PIWIL4: variants seen among roughly 807,000 people sequenced by gnomAD.
PIWIL4 encodes piwi like RNA-mediated gene silencing 4.
A neutral mutation model predicts 100.9 loss-of-function variants in PIWIL4; 50 were observed. The observed-to-expected ratio is 0.50, with a 90% CI of 0.39 to 0.63. The LOEUF (loss-of-function observed/expected upper bound fraction) is 0.63, where lower values mean the gene tolerates loss of function less well. Ranked by LOEUF, PIWIL4 falls within the 20% of genes least tolerant of loss-of-function variation. The probability of loss-of-function intolerance (pLI) is 0.00; values close to 1 mark genes in which losing one functional copy is unlikely to be tolerated. For synonymous variants in PIWIL4, 342 were observed against 367.5 expected, an observed-to-expected ratio of 0.93 and a Z score of 0.79; for missense variants, 887 against 1,043.3, an observed-to-expected ratio of 0.85 and a Z score of 2.06.
In PIWIL4 at chr11:94,567,532, C is replaced by G. The variant is rs1948091037; in HGVS notation, c.14C>G (p.Ala5Gly). MSGR[A>G]RVKARGIARS... is the part of the protein sequence containing the mutation. The stretch of plus-strand genomic sequence containing the variant: ...CTCACCGGGAACATGAGTGGAAGAG[C>G]CCGAGTGAAGGCCAGAGGCATCGCC... The change falls in exon 1 of 20, where the codon GCC (alanine) becomes GGC (glycine). Residue 5 changes from alanine (A) to glycine (G), a missense_variant. Coordinates refer to ENST00000299001, the MANE Select transcript of PIWIL4 (RefSeq NM_152431.3). 1 of 1,600,124 alleles carries G rather than the reference C, an allele frequency of 6.2e-7. No homozygotes were observed. The highest frequency in any genetic ancestry group is 1.3e-5 in the African/African-American group (1 of 74,860).
chr11:94,597,261 C>G (rs1304584851), intron 10 of PIWIL4, among the ~76,000 whole-genome samples: 2 of 152,184 alleles, frequency 1.3e-5, no homozygotes, highest in African/African-American at 4.8e-5. Context: ...TTCTTCGACT[C>G]TCAACCCAAG....
chr11:94,583,032 G>GTA (rs142770942), intron 4 of PIWIL4, among the ~76,000 whole-genome samples: 23 of 138,042 alleles, frequency 1.7e-4, no homozygotes, highest in Non-Finnish European at 1.9e-4. Flanking sequence ...TGTGGTGTGT[G>GTA]TATATATATA....
intron 12 of PIWIL4, among the ~76,000 whole-genome samples, chr11:94,603,501 A>G (rs749213972): frequency 1.3e-5 from 2 of 152,224 alleles, no homozygotes; most frequent in Non-Finnish European, 2.9e-5. Context: ...ACCACTAAGG[A>G]AAATAAAGAT....
chr11:94,597,253 C>T (rs993096706), intron 10 of PIWIL4, among the ~76,000 whole-genome samples: 1 of 152,192 alleles, frequency 6.6e-6, no homozygotes, highest in Non-Finnish European at 1.5e-5. Flanking sequence ...TATCATCCTT[C>T]TTCGACTCTC....
At chr11:94,580,504 A>G (rs569686916) in intron 4 of PIWIL4, among the ~76,000 whole-genome samples, 3 of 152,260 alleles carry the variant, frequency 2.0e-5, no homozygotes, top group African/African-American at 7.2e-5. Context: ...GTTGCTATTC[A>G]TGTCCACATC....
chr11:94,619,638 TTC>T, intron 17 of PIWIL4, 120 bp from the exon 18 acceptor site: 2 of 1,146,690 alleles, frequency 1.7e-6, no homozygotes, highest in Non-Finnish European at 1.2e-6. Context: ...AATTTTTATT[TTC>T]TGTTTTGCAG....
rs1305362804 is a variant in PIWIL4 at position 94,587,056 on chromosome 11, C to T, written c.723C>T (p.Ser241=). ...EPMEIPQHKL[S]LWPGFAISVS... Reference sequence around the variant, plus strand: ...TTCTTTTTTGTTTTTAAAGATTATCCCTTTGGCCTGGGTTTGCCATTTCTG... The same window carrying T: ...TTCTTTTTTGTTTTTAAAGATTATCTCTTTGGCCTGGGTTTGCCATTTCTG... The change falls in exon 7 of 20, where the codon TCC becomes TCT. Residue 241 remains serine, a synonymous_variant. Transcript: ENST00000299001. 8 of 1,607,812 alleles carry T rather than the reference C, an allele frequency of 5.0e-6. No individual in the cohort carries two copies. Among genetic ancestry groups the T allele is most frequent in the Non-Finnish European group, 6.8e-6 (8 of 1,175,274 alleles).
intron 13 of PIWIL4, among the ~76,000 whole-genome samples, chr11:94,604,847 TTTGC>T (rs369070706): frequency 2.2e-3 from 335 of 152,312 alleles, no homozygotes; most frequent in African/African-American, 7.8e-3. Flanking sequence ...GTGCTATCTC[TTTGC>T]TTTTCTTTTA....
chr11:94,592,503 C>T (rs1324754041), intron 8 of PIWIL4, among the ~76,000 whole-genome samples: 1 of 152,206 alleles, frequency 6.6e-6, no homozygotes, highest in Non-Finnish European at 1.5e-5. Flanking sequence ...TTGATAAAGG[C>T]TTCTCCAAAC....
At chr11:94,570,629 G>T (rs1565267836) in intron 2 of PIWIL4, among the ~76,000 whole-genome samples, 2 of 152,078 alleles carry the variant, frequency 1.3e-5, no homozygotes, top group Non-Finnish European at 2.9e-5. Context: ...GATGGCTCAT[G>T]CCTGTAATCC....
At chr11:94,574,239 A>G (rs1948204414) in intron 2 of PIWIL4, among the ~76,000 whole-genome samples, 1 of 152,126 alleles carries the variant, frequency 6.6e-6, no homozygotes, top group African/African-American at 2.4e-5. Context: ...TCTTAGGGGG[A>G]ATGACCTAGA....
rs376373612 is a variant in PIWIL4 at position 94,601,780 on chromosome 11, C to G, written c.1381-15C>G. 7 of 1,611,124 alleles carry G rather than the reference C, an allele frequency of 4.3e-6. No homozygotes were observed. In the African/African-American group the frequency reaches 9.4e-5, roughly 22 times the overall value. On this transcript the variant is annotated splice_polypyrimidine_tract_variant and intron_variant, in intron 11 of 19. Coordinates refer to ENST00000299001, the MANE Select transcript of PIWIL4 (RefSeq NM_152431.3). Reference sequence around the variant, plus strand: ...TAAATTTGTTCAATCCTTTCATGATCATTATTTTTCTCAGTGTCAACCTGT... The same window carrying G: ...TAAATTTGTTCAATCCTTTCATGATGATTATTTTTCTCAGTGTCAACCTGT...
intron 15 of PIWIL4, among the ~76,000 whole-genome samples, chr11:94,614,329 TAG>T (rs1404342695): frequency 7.1e-6 from 1 of 141,590 alleles, no homozygotes; most frequent in Non-Finnish European, 1.5e-5. Flanking sequence ...CTTTTTGAGA[TAG>T]AGTTTCGCTC....
At chr11:94,567,720 C>A (rs1948095654) in intron 1 of PIWIL4, 115 bp downstream of exon 1, 2 of 1,303,980 alleles carry the variant, frequency 1.5e-6, no homozygotes, top group Non-Finnish European at 9.8e-7. Flanking sequence ...AGTGCGTTAT[C>A]TTTTCTCTCA....
rs781625121 is a variant in PIWIL4 at position 94,568,824 on chromosome 11, C to T, written c.166+16C>T. On this transcript the variant is annotated intron_variant, in intron 2 of 19. Coordinates refer to ENST00000299001, the MANE Select transcript of PIWIL4 (RefSeq NM_152431.3). ...TCAACCAACGGTAAGTGCAGCTCAG[C>T]CTGTTCATTTAGTACCATTCAACCT... 1 of 1,579,790 alleles carries T rather than the reference C, an allele frequency of 6.3e-7. No individual in the cohort carries two copies. The highest frequency in any genetic ancestry group is 1.1e-5 in the South Asian group (1 of 90,368).
chr11:94,616,242 C>T (rs1300878881), intron 15 of PIWIL4, among the ~76,000 whole-genome samples: 1 of 152,224 alleles, frequency 6.6e-6, no homozygotes, highest in Non-Finnish European at 1.5e-5. Flanking sequence ...CAAAGTTACA[C>T]AGCTGGTGAG....
At chr11:94,603,844 CAA>C (rs1948679044) in intron 12 of PIWIL4, 138 bp from the exon 13 acceptor site, 1 of 561,242 alleles carries the variant, frequency 1.8e-6, no homozygotes. Context: ...ATTTTAGACT[CAA>C]AAGGTTATTT....
At chr11:94,570,936 C>T (rs1282961971) in intron 2 of PIWIL4, among the ~76,000 whole-genome samples, 1 of 151,778 alleles carries the variant, frequency 6.6e-6, no homozygotes. Flanking sequence ...ACAATTTAGT[C>T]ATCTCTTTTG....
intron 3 of PIWIL4, among the ~76,000 whole-genome samples, chr11:94,576,370 G>C (rs746534624): frequency 7.9e-5 from 12 of 152,168 alleles, no homozygotes; most frequent in Non-Finnish European, 1.5e-4. Context: ...CTGGCCTCAA[G>C]CAATCCACCC....
Sources: allele counts gnomAD v4.1 joint callset (sites outside exome capture counted in the v4.1 genomes callset), GRCh38; gene constraint gnomAD v4.1.1; transcripts MANE v1.5; gene names NCBI Gene and HGNC (gene_info 2026-07-23, HGNC 2026-07-21).